Variants in RBFOX3 observed in about 807,000 individuals in gnomAD.
RBFOX3 encodes RNA binding fox-1 homolog 3.
RBFOX3 carries 17 observed loss-of-function variants against 48.7 expected under a neutral mutation model. That is an observed-to-expected ratio of 0.35 (90% CI 0.24 to 0.52). The LOEUF (loss-of-function observed/expected upper bound fraction) is 0.52, where lower values mean the gene tolerates loss of function less well. Ranked by LOEUF, RBFOX3 falls within the 20% of genes least tolerant of loss-of-function variation. The pLI is 0.94. For synonymous variants in RBFOX3, 212 were observed against 209.5 expected (o/e 1.01, Z -0.10); for missense variants, 382 against 497.5 (o/e 0.77, Z 2.21).
chr17:79,133,762 G>A (rs1190569548), intron 4 of RBFOX3, among the ~76,000 whole-genome samples: 2 of 152,198 alleles, frequency 1.3e-5, no homozygotes, highest in Non-Finnish European at 2.9e-5. Context: ...CTACTCAGTG[G>A]GATGGCAAGA....
At chr17:79,239,619 G>C (rs537414543) in intron 3 of RBFOX3, among the ~76,000 whole-genome samples, 1 of 152,252 alleles carries the variant, frequency 6.6e-6, no homozygotes, top group East Asian at 1.9e-4. Context: ...TCCTGGGGGA[G>C]CAGGGAGGGC....
At chr17:79,288,850 GAGA>G (rs1487093667) in intron 3 of RBFOX3, among the ~76,000 whole-genome samples, 2 of 151,764 alleles carry the variant, frequency 1.3e-5, no homozygotes, top group African/African-American at 4.8e-5. Context: ...AGGTAATAGG[GAGA>G]AGTAGAGTGT....
chr17:79,394,245 A>T (rs2061714126), intron 2 of RBFOX3, among the ~76,000 whole-genome samples: 1 of 152,204 alleles, frequency 6.6e-6, no homozygotes, highest in Admixed American at 6.5e-5. Flanking sequence ...ATGGAAAAGC[A>T]TGAGGGACTC....
chr17:79,544,438 GGCACT>G (rs1555791232), intron 1 of RBFOX3, among the ~76,000 whole-genome samples: 1 of 152,056 alleles, frequency 6.6e-6, no homozygotes, highest in African/African-American at 2.4e-5. Context: ...CAGTCGCTGG[GGCACT>G]GATTTGGAGA....
intron 1 of RBFOX3, among the ~76,000 whole-genome samples, chr17:79,494,949 C>T (rs918656928): frequency 2.8e-4 from 42 of 152,286 alleles, no homozygotes; most frequent in African/African-American, 9.9e-4. Context: ...AGCTGGGCCC[C>T]GAGGAGGACT....
chr17:79,130,869 G>C (rs557936665), intron 4 of RBFOX3, among the ~76,000 whole-genome samples: 2 of 152,398 alleles, frequency 1.3e-5, no homozygotes, highest in South Asian at 2.1e-4. Context: ...CCTCAAAGCC[G>C]AAGCACAAAT....
Position 79,269,819 on chromosome 17 carries a change from G to A in RBFOX3, c.-73-34014C>T, listed in dbSNP as rs79880328. Among the ~76,000 whole-genome samples, 892 of 148,898 alleles carry A rather than the reference G, an allele frequency of 6.0e-3. 10 individuals carry two copies. The highest frequency in any genetic ancestry group is 0.022 in the African/African-American group (850 of 38,404). The stretch of plus-strand genomic sequence containing the variant: ...CTTTCCATTGTAAACATCATCACAA[G>A]CAAGCCTTCCAGCAAGGTGAGCCCC... On this transcript the variant is annotated intron_variant, in intron 3 of 14. Coordinates refer to ENST00000693108, the MANE Select transcript of RBFOX3 (RefSeq NM_001350451.2).
chr17:79,543,427 A>G (rs954238038), intron 1 of RBFOX3, among the ~76,000 whole-genome samples: 2 of 152,074 alleles, frequency 1.3e-5, no homozygotes, highest in Non-Finnish European at 2.9e-5. Context: ...TCACCCTCTG[A>G]GGGTAGAATT....
intron 3 of RBFOX3, among the ~76,000 whole-genome samples, chr17:79,284,432 T>C (rs1377978423): frequency 6.6e-6 from 1 of 151,736 alleles, no homozygotes; most frequent in Non-Finnish European, 1.5e-5. Flanking sequence ...AAGAAAGTCA[T>C]AAAAAATAGG....
In RBFOX3 at chr17:79,391,302, C is replaced by A. The variant is rs971997200; in HGVS notation, c.-174-83478G>T. Reference sequence around the variant, plus strand: ...GCTCCAGCACCTCTCACCTGACCCTCAATGACCAGCTGTCTCAGGGGGAGA... The same window carrying A: ...GCTCCAGCACCTCTCACCTGACCCTAAATGACCAGCTGTCTCAGGGGGAGA... On this transcript the variant is annotated intron_variant, in intron 2 of 14. Transcript: ENST00000693108. This position sits in a 1 kb window ranked among gnomAD's most constrained non-coding sequence, Gnocchi z 5.0. Among the ~76,000 whole-genome samples, 1 of 152,152 alleles carries A rather than the reference C, an allele frequency of 6.6e-6. No homozygotes were observed. The highest frequency in any genetic ancestry group is 2.4e-5 in the African/African-American group (1 of 41,438).
intron 3 of RBFOX3, among the ~76,000 whole-genome samples, chr17:79,273,279 G>T (rs2068070860): frequency 6.6e-6 from 1 of 152,216 alleles, no homozygotes; most frequent in Admixed American, 6.5e-5. Context: ...AGGGCCACTT[G>T]CACTCTTGTC....
intron 2 of RBFOX3, among the ~76,000 whole-genome samples, chr17:79,444,941 C>T (rs1445124133): frequency 6.6e-6 from 1 of 152,098 alleles, no homozygotes; most frequent in Non-Finnish European, 1.5e-5. Context: ...CACTGCCCAT[C>T]CCCAACCACA....
chr17:79,337,915 A>T (rs951117688), intron 2 of RBFOX3, among the ~76,000 whole-genome samples: 1 of 151,336 alleles, frequency 6.6e-6, no homozygotes, highest in Non-Finnish European at 1.5e-5. Context: ...CTTCTGTTTC[A>T]TGTGTTTGCT....
At chr17:79,649,476 C>T in the RBFOX3 span, among the ~76,000 whole-genome samples, 51 of 152,288 alleles carry the variant, frequency 3.3e-4, no homozygotes, top group Admixed American at 1.6e-3. Flanking sequence ...GAGGCCGAGG[C>T]GAGTGGATCA....
At chr17:79,200,890 C>A (rs529988438) in intron 4 of RBFOX3, among the ~76,000 whole-genome samples, 2 of 152,040 alleles carry the variant, frequency 1.3e-5, no homozygotes, top group Admixed American at 6.5e-5. Context: ...CCTTTCACCC[C>A]CTCCTGCGTC....
At chr17:79,122,056 C>A (rs2035890350) in intron 4 of RBFOX3, among the ~76,000 whole-genome samples, 1 of 152,010 alleles carries the variant, frequency 6.6e-6, no homozygotes, top group Non-Finnish European at 1.5e-5. Context: ...AAACACCTGC[C>A]CCCCAGTCCA....
At chr17:79,170,196 G>C (rs1338303909) in intron 4 of RBFOX3, among the ~76,000 whole-genome samples, 1 of 132,184 alleles carries the variant, frequency 7.6e-6, no homozygotes, top group South Asian at 2.7e-4. Flanking sequence ...GGCAGGGTCC[G>C]GAAGAGGCTG....
chr17:79,234,626 A>G (rs1260871306), intron 4 of RBFOX3: 2 of 151,436 alleles, frequency 1.3e-5, no homozygotes, highest in African/African-American at 4.9e-5. Flanking sequence ...CTAAATATAC[A>G]TTACAGATGA....
chr17:79,113,515 G>A (rs1289421653), intron 5 of RBFOX3, among the ~76,000 whole-genome samples: 1 of 152,138 alleles, frequency 6.6e-6, no homozygotes, highest in Non-Finnish European at 1.5e-5. Context: ...CTGAAGAAAG[G>A]AAGGTCAAGG....
Sources: allele counts gnomAD v4.1 joint callset (sites outside exome capture counted in the v4.1 genomes callset), GRCh38; gene constraint gnomAD v4.1.1; non-coding constraint Gnocchi (gnomAD v3.1); transcripts MANE v1.5; gene names NCBI Gene and HGNC (gene_info 2026-07-23, HGNC 2026-07-21).